The following PLA2G4E variants were observed in gnomAD, a reference collection of about 807,000 sequenced individuals.
PLA2G4E encodes the protein phospholipase A2 group IVE, also known as cytosolic phospholipase A2 epsilon.
Under a neutral mutation model 109.1 loss-of-function variants are expected in PLA2G4E, and 84 were observed. The observed-to-expected ratio is 0.77, with a 90% CI of 0.65 to 0.92. The LOEUF (loss-of-function observed/expected upper bound fraction) is 0.92, where lower values mean the gene tolerates loss of function less well. Among genes scored for constraint, PLA2G4E ranks in the 40% least tolerant of loss-of-function variants. The pLI is 0.00. For missense variants in PLA2G4E, 1,057 were observed against 1,076.6 expected, an observed-to-expected ratio of 0.98 and a Z score of 0.25; for synonymous variants, 469 against 436.1, an observed-to-expected ratio of 1.08 and a Z score of -0.94.
chr15:42,000,448 C>T (rs1173607174), intron 7 of PLA2G4E, among the ~76,000 whole-genome samples, 166 bp from the exon 8 acceptor site: 1 of 152,116 alleles, frequency 6.6e-6, no homozygotes, highest in Non-Finnish European at 1.5e-5. Context: ...AGGGCAGGGC[C>T]CAGGAACCTG....
At chr15:42,026,145 T>TA (rs34660461) in intron 1 of PLA2G4E, among the ~76,000 whole-genome samples, 24 of 151,150 alleles carry the variant, frequency 1.6e-4, no homozygotes, top group Non-Finnish European at 2.7e-4. Flanking sequence ...AAAATCACTT[T>TA]AAAAAAAAAG....
intron 1 of PLA2G4E, among the ~76,000 whole-genome samples, chr15:42,050,139 C>G (rs1889483056): frequency 6.6e-6 from 1 of 152,222 alleles, no homozygotes; most frequent in Non-Finnish European, 1.5e-5. Flanking sequence ...GTCTTGTTCA[C>G]TCTTCTCAGC....
intron 1 of PLA2G4E, among the ~76,000 whole-genome samples, chr15:42,041,290 T>G (rs536439320): frequency 1.3e-5 from 2 of 151,170 alleles, no homozygotes; most frequent in East Asian, 3.9e-4. Flanking sequence ...TAATGAGGGA[T>G]AGGGCTTAGA....
intron 2 of PLA2G4E, among the ~76,000 whole-genome samples, chr15:42,012,995 C>G (rs2068552545): frequency 6.6e-6 from 1 of 152,208 alleles, no homozygotes; most frequent in African/African-American, 2.4e-5. Flanking sequence ...AAATGCCACC[C>G]AAAGACAGGG....
intron 9 of PLA2G4E, 128 bp downstream of exon 9, chr15:41,999,789 C>T (rs987482865): frequency 3.4e-6 from 4 of 1,179,226 alleles, no homozygotes; most frequent in Admixed American, 2.0e-5. Context: ...AAGACTCCTC[C>T]ATCCTGCCTG....
intron 12 of PLA2G4E, among the ~76,000 whole-genome samples, chr15:41,993,752 C>T (rs1198374767): frequency 6.6e-6 from 1 of 152,068 alleles, no homozygotes; most frequent in East Asian, 1.9e-4. Context: ...ACAGGGGCCT[C>T]CTCCCTCACA....
At chr15:42,046,334 C>T (rs2141080213) in intron 1 of PLA2G4E, among the ~76,000 whole-genome samples, 1 of 152,352 alleles carries the variant, frequency 6.6e-6, no homozygotes, top group East Asian at 1.9e-4. Context: ...GCATCCGGTC[C>T]ATAAGGCCCG....
rs74010937 is a variant in PLA2G4E, at chr15:41,990,170, G to A, written c.1536C>T (p.Ile512=). Residue 512 remains isoleucine (I), a synonymous_variant, in exon 14 of 20, where the codon ATC becomes ATT. Transcript: ENST00000399518. ...CATCCTTGACATTGATGGTGAGGTA[G>A]ATGGGCAGGGGGTTCTGGCCGCAGC... is the stretch of plus-strand genomic sequence containing the variant. 3,578 of 1,613,768 alleles carry A rather than the reference G, an allele frequency of 2.2e-3. 76 individuals carry two copies. The African/African-American group carries it at 0.043, about 20-fold the overall frequency.
chr15:42,034,638 C>T (rs1889176102), intron 1 of PLA2G4E, among the ~76,000 whole-genome samples: 1 of 152,170 alleles, frequency 6.6e-6, no homozygotes, highest in Non-Finnish European at 1.5e-5. Flanking sequence ...CCTCCTCTGC[C>T]CCCTCCTCTT....
chr15:41,983,714 T>C, exon 20 of PLA2G4E: 1 of 1,515,600 alleles, frequency 6.6e-7, no homozygotes. Context: ...GCACCTCTGA[T>C]GGTAGAAGCT....
In PLA2G4E at chr15:41,984,185, A is replaced by G. The variant is rs532691310; in HGVS notation, c.2387-211T>C. On this transcript the variant is annotated intron_variant, in intron 19 of 19. Coordinates refer to ENST00000399518, the Ensembl canonical transcript of PLA2G4E. ...GGCTTGCCCATTGGAGGATTGCCCTAGCACCAAGCACAGTACTGGGCACAT... is the reference window on the plus strand; with the variant it reads ...GGCTTGCCCATTGGAGGATTGCCCTGGCACCAAGCACAGTACTGGGCACAT... Among the ~76,000 whole-genome samples the G allele has an allele frequency of 7.9e-5, 12 of 152,336 alleles. No homozygotes were observed. In the Middle Eastern group the frequency reaches 0.01, roughly 130 times the overall value.
At position 41,988,032 on chromosome 15, in the gene PLA2G4E, A is replaced by T; in HGVS notation, c.1831+17T>A. 6.4e-7 allele frequency: 1 copy of T among 1,568,116 alleles called. No individual in the cohort carries two copies. Among genetic ancestry groups the T allele is most frequent in the East Asian group, 2.3e-5 (1 of 43,150 alleles). ...TCACCCATCACCCAGCCATGAGGGA[A>T]AGCCGGGGTCACCCACCGATGTCCT... On this transcript the variant is annotated intron_variant, in intron 16 of 19. Transcript: ENST00000399518.
chr15:41,987,110 G>C, intron 17 of PLA2G4E, 62 bp downstream of exon 17: 1 of 1,509,484 alleles, frequency 6.6e-7, no homozygotes, highest in Non-Finnish European at 9.2e-7. Context: ...TGGCAGCCTT[G>C]ACATCCACAT....
chr15:41,990,492 C>A (rs1177532490), intron 13 of PLA2G4E, among the ~76,000 whole-genome samples: 2 of 152,068 alleles, frequency 1.3e-5, no homozygotes, highest in East Asian at 3.8e-4. Flanking sequence ...TCTCAGAGTC[C>A]CAGGGTCTTG....
chr15:42,018,451 G>C (rs546581693), intron 1 of PLA2G4E, among the ~76,000 whole-genome samples: 56 of 152,332 alleles, frequency 3.7e-4, no homozygotes, highest in Non-Finnish European at 7.1e-4. Context: ...ACATGATCAG[G>C]CACCATGCCA....
At chr15:41,989,266 C>G in intron 15 of PLA2G4E, 149 bp downstream of exon 15, 1 of 1,129,146 alleles carries the variant, frequency 8.9e-7, no homozygotes, top group Admixed American at 2.8e-5. Context: ...AGCCCCCAGA[C>G]CAACTCTGGT....
At chr15:42,048,969 G>A (rs193236257) in intron 1 of PLA2G4E, among the ~76,000 whole-genome samples, 88 of 152,350 alleles carry the variant, frequency 5.8e-4, no homozygotes, top group African/African-American at 2.1e-3. Context: ...GCAAGGGCAG[G>A]CCATTAACCT....
At position 41,996,457 on chromosome 15, in the gene PLA2G4E, G is replaced by A. The variant is rs537813915; in HGVS notation, c.1110+667C>T. On this transcript the variant is annotated intron_variant, in intron 11 of 19. Transcript: ENST00000399518. ...GTGGGGGCTGTAAGAACCTTCCATT[G>A]GCTAAAGCGCTATTACAAGTCCTCC... 2.0e-4 allele frequency among the ~76,000 whole-genome samples: 30 copies of A among 151,472 alleles called. No individual in the cohort carries two copies. The South Asian group carries it at 6.3e-3, about 32-fold the overall frequency.
chr15:41,983,587 T>C (rs1223165475), exon 20 of PLA2G4E: 2 of 625,016 alleles, frequency 3.2e-6, no homozygotes, highest in East Asian at 5.5e-5. Flanking sequence ...CTTTCTGACT[T>C]TCTCAACTTT....
Sources: gnomAD v4.1 joint callset for allele counts (sites outside exome capture counted in the v4.1 genomes callset) on GRCh38, gnomAD v4.1.1 for gene constraint, MANE v1.5 for transcripts, NCBI Gene and HGNC (gene_info 2026-07-23, HGNC 2026-07-21) for gene names.